Variants in PDGFC observed in about 807,000 individuals in gnomAD.
PDGFC encodes the protein platelet-derived growth factor C.
Under a neutral mutation model 35.5 loss-of-function variants are expected in PDGFC, and 12 were observed. The ratio of observed to expected loss-of-function variants is 0.34; its 90% CI spans 0.22 to 0.55. The LOEUF is 0.55. PDGFC is among the 20% of genes least tolerant of loss of function. The pLI, the probability that PDGFC is intolerant of heterozygous loss-of-function variation, is 0.91. For missense variants in PDGFC, 322 were observed against 412.4 expected (o/e 0.78, Z 1.90); for synonymous variants, 159 against 148.8 (o/e 1.07, Z -0.50).
chr4:156,821,381 C>T (rs1579031651), intron 2 of PDGFC, among the ~76,000 whole-genome samples: 2 of 151,664 alleles, frequency 1.3e-5, no homozygotes, highest in East Asian at 1.9e-4. Context: ...AGGTGCGAGG[C>T]ATCACATCTG....
chr4:156,802,716 A>AG (rs1230052544), intron 3 of PDGFC, among the ~76,000 whole-genome samples: 2 of 152,164 alleles, frequency 1.3e-5, no homozygotes, highest in Admixed American at 1.3e-4. Context: ...AGATGAGAGG[A>AG]ATCAGAGTGT....
At chr4:156,872,701 A>T (rs1325998588) in intron 1 of PDGFC, among the ~76,000 whole-genome samples, 1 of 152,240 alleles carries the variant, frequency 6.6e-6, no homozygotes, top group African/African-American at 2.4e-5. Context: ...ATTCTGCTGA[A>T]TAATCTCAAA....
chr4:156,855,923 C>T (rs577621215), intron 1 of PDGFC, among the ~76,000 whole-genome samples: 199 of 152,258 alleles, frequency 1.3e-3, no homozygotes, highest in South Asian at 3.5e-3. Flanking sequence ...TCATCCTAAT[C>T]TTATTTGATT....
Position 156,810,924 on chromosome 4 carries a change from T to A in PDGFC, c.408A>T (p.Lys136Asn), listed in dbSNP as rs745492710. Residue 136 changes from lysine to asparagine, a missense_variant, in exon 3 of 6, where the codon AAA (lysine) becomes AAT (asparagine). Lys to Asn is a moderately conservative substitution (Grantham distance 94, BLOSUM62 0). Transcript: ENST00000502773. ...CAAATCTTATCCTAATTTGATTTCC[T>A]TTAGAAATCTGTTTTCCTGGTACAG... ...SGTVPGKQIS[K>N]GNQIRIRFVS... The A allele has an allele frequency of 5.0e-6, 8 of 1,603,710 alleles. No homozygotes were observed. The African/African-American group carries it at 5.4e-5, about 11-fold the overall frequency.
At chr4:156,892,114 T>C (rs982111605) in intron 1 of PDGFC, among the ~76,000 whole-genome samples, 4 of 152,164 alleles carry the variant, frequency 2.6e-5, no homozygotes, top group African/African-American at 7.2e-5. Flanking sequence ...CTACCAGCTA[T>C]ATAATCCGAA....
intron 1 of PDGFC, among the ~76,000 whole-genome samples, chr4:156,950,383 C>T (rs1260740729): frequency 1.3e-5 from 2 of 151,782 alleles, no homozygotes; most frequent in African/African-American, 4.8e-5. Context: ...TTAGTTTCCC[C>T]ATGTTTTTTG....
At chr4:156,894,739 T>G (rs1730590402) in intron 1 of PDGFC, among the ~76,000 whole-genome samples, 1 of 152,018 alleles carries the variant, frequency 6.6e-6, no homozygotes, top group South Asian at 2.1e-4. Flanking sequence ...AGTTAAAAAG[T>G]CAGAAGACAG....
intron 3 of PDGFC, among the ~76,000 whole-genome samples, chr4:156,807,844 G>C (rs1731812341): frequency 6.6e-6 from 1 of 151,980 alleles, no homozygotes; most frequent in Admixed American, 6.6e-5. Flanking sequence ...AATTTTTTCT[G>C]TATAGTAATG....
chr4:156,808,973 A>G (rs1731850318), intron 3 of PDGFC, among the ~76,000 whole-genome samples: 1 of 151,944 alleles, frequency 6.6e-6, no homozygotes, highest in African/African-American at 2.4e-5. Context: ...AAAATCACCA[A>G]CTTACACTTA....
chr4:156,832,349 C>T (rs1022874786), intron 2 of PDGFC, among the ~76,000 whole-genome samples: 3 of 150,476 alleles, frequency 2.0e-5, no homozygotes, highest in South Asian at 4.2e-4. Context: ...CTCCGCCTCT[C>T]GGGTTCAAGC....
intron 3 of PDGFC, among the ~76,000 whole-genome samples, chr4:156,800,884 C>T (rs6536206): frequency 0.44 from 66,771 of 151,914 alleles, 16,932 homozygotes; most frequent in African/African-American, 0.69. Context: ...ATTTAGTTTA[C>T]AGCTTAAGTT....
chr4:156,958,369 T>C (rs544396414), intron 1 of PDGFC, among the ~76,000 whole-genome samples: 2 of 151,822 alleles, frequency 1.3e-5, no homozygotes, highest in East Asian at 3.9e-4. Flanking sequence ...ACAGAAACTA[T>C]AATATCCACC....
intron 4 of PDGFC, among the ~76,000 whole-genome samples, chr4:156,772,113 G>A (rs898873430): frequency 6.6e-6 from 1 of 150,644 alleles, no homozygotes. Context: ...ATTATGGTGT[G>A]GGTTCTTTTA....
chr4:156,919,970 G>A (rs1309034780), intron 1 of PDGFC, among the ~76,000 whole-genome samples: 1 of 152,142 alleles, frequency 6.6e-6, no homozygotes, highest in Non-Finnish European at 1.5e-5. Context: ...CCAGTAATGA[G>A]TGAATCCTCA....
At chr4:156,771,255 T>C (rs1411043718) in intron 4 of PDGFC, among the ~76,000 whole-genome samples, 1 of 152,168 alleles carries the variant, frequency 6.6e-6, no homozygotes, top group Non-Finnish European at 1.5e-5. Context: ...GGGAGGTTTT[T>C]AGGCTCAAAT....
intron 2 of PDGFC, among the ~76,000 whole-genome samples, chr4:156,823,549 A>C (rs1732329818): frequency 2.0e-5 from 3 of 152,192 alleles, no homozygotes; most frequent in Admixed American, 1.3e-4. Context: ...TCATGCAAAG[A>C]TCACTACTTT....
intron 1 of PDGFC, among the ~76,000 whole-genome samples, chr4:156,936,951 G>A (rs1394651988): frequency 6.6e-6 from 1 of 152,162 alleles, no homozygotes; most frequent in Non-Finnish European, 1.5e-5. Flanking sequence ...AAAATATTAT[G>A]CTCTATGCAA....
chr4:156,873,356 C>G (rs559796429), intron 1 of PDGFC, among the ~76,000 whole-genome samples: 1 of 152,258 alleles, frequency 6.6e-6, no homozygotes. Flanking sequence ...TAGTGATAGA[C>G]AATCTCCTTC....
intron 1 of PDGFC, among the ~76,000 whole-genome samples, chr4:156,887,549 G>T (rs1482798799): frequency 6.6e-6 from 1 of 152,020 alleles, no homozygotes; most frequent in African/African-American, 2.4e-5. Flanking sequence ...TCAATCATTA[G>T]CAAAGAAAAT....
Sources: allele counts gnomAD v4.1 joint callset (sites outside exome capture counted in the v4.1 genomes callset), GRCh38; gene constraint gnomAD v4.1.1; transcripts MANE v1.5; gene names NCBI Gene and HGNC (gene_info 2026-07-23, HGNC 2026-07-21).